POLR1D: variants seen among roughly 807,000 people sequenced by gnomAD.
POLR1D encodes the protein RNA polymerase I and III subunit D.
Under a neutral mutation model 10.8 loss-of-function variants are expected in POLR1D, and 8 were observed. The ratio of observed to expected loss-of-function variants is 0.74; its 90% CI spans 0.43 to 1.33. The LOEUF (loss-of-function observed/expected upper bound fraction) is 1.33, where lower values mean the gene tolerates loss of function less well. Ranked by LOEUF, POLR1D falls within the 40% of genes most tolerant of loss-of-function variation. The probability of loss-of-function intolerance (pLI) is 0.01; values close to 1 mark genes in which losing one functional copy is unlikely to be tolerated. For missense variants in POLR1D, 152 were observed against 161.7 expected, an observed-to-expected ratio of 0.94 and a Z score of 0.32; for synonymous variants, 54 against 57.2, an observed-to-expected ratio of 0.94 and a Z score of 0.25.
At chr13:27,634,010 A>G (rs1956098470) in intron 1 of POLR1D, among the ~76,000 whole-genome samples, 2 of 152,228 alleles carry the variant, frequency 1.3e-5, no homozygotes, top group East Asian at 1.9e-4. Context: ...TTGGATTTAT[A>G]TTCTTTATCA....
At chr13:27,646,072 A>G (rs1956218102) in intron 1 of POLR1D, 1 of 152,226 alleles carries the variant, frequency 6.6e-6, no homozygotes, top group Admixed American at 6.5e-5. Flanking sequence ...AAACATTTTA[A>G]CATAGTTTTT....
chr13:27,635,170 A>T (rs551087564), intron 1 of POLR1D, among the ~76,000 whole-genome samples: 1 of 152,302 alleles, frequency 6.6e-6, no homozygotes, highest in East Asian at 1.9e-4. Flanking sequence ...TGAGAGAGTA[A>T]CTTGTTAAGA....
chr13:27,647,630 GT>G (rs1334675767), intron 1 of POLR1D, among the ~76,000 whole-genome samples: 1 of 152,124 alleles, frequency 6.6e-6, no homozygotes, highest in African/African-American at 2.4e-5. Flanking sequence ...TGTTATGAGT[GT>G]CCTGTGCCAA....
At chr13:27,657,256 G>A (rs1956316722) in intron 2 of POLR1D, among the ~76,000 whole-genome samples, 1 of 152,092 alleles carries the variant, frequency 6.6e-6, no homozygotes, top group Non-Finnish European at 1.5e-5. Context: ...CCAGCCAGGC[G>A]CTGTGGCTCA....
At chr13:27,654,229 C>T (rs1047105741) in intron 2 of POLR1D, among the ~76,000 whole-genome samples, 3 of 152,140 alleles carry the variant, frequency 2.0e-5, no homozygotes, top group African/African-American at 7.2e-5. Context: ...GTGTACTTTT[C>T]CTATCCTATT....
At chr13:27,621,810 G>T, upstream of POLR1D, 1 of 631,628 alleles carries the variant, frequency 1.6e-6, no homozygotes, top group Non-Finnish European at 2.8e-6. Flanking sequence ...GGAGCCTCAT[G>T]CCCCGCCCCG....
At chr13:27,621,859 TCCTTCCGTCCTCCGCG>T (rs1315251277), upstream of POLR1D, 2 of 1,012,270 alleles carry the variant, frequency 2.0e-6, no homozygotes, top group Non-Finnish European at 1.5e-6. Context: ...TCCTCCTCCC[TCCTTCCGTCCTCCGCG>T]CCTTCCGTCG....
Position 27,622,682 on chromosome 13 carries a change from G to C in POLR1D, c.27-193G>C, listed in dbSNP as rs142902167. ...CAGTGTGGATGGTCAAATGGAGCAGGGAAAAACTGGAGGCAATAAATTAAA... is the reference window on the plus strand; with the variant it reads ...CAGTGTGGATGGTCAAATGGAGCAGCGAAAAACTGGAGGCAATAAATTAAA... On this transcript the variant is annotated intron_variant, in intron 1 of 1. Coordinates refer to ENST00000302979, the MANE Select transcript of POLR1D (RefSeq NM_015972.4). 3.3e-3 allele frequency among the ~76,000 whole-genome samples: 504 copies of C among 152,164 alleles called. 2 individuals are homozygous for C. The highest frequency in any genetic ancestry group is 0.012 in the African/African-American group (480 of 41,508).
chr13:27,623,438 CTTTTA>C lies in POLR1D; in HGVS notation c.*192_*196del. 2 of 1,302,266 alleles carry C rather than the reference CTTTTA, an allele frequency of 1.5e-6. No individual in the cohort carries two copies. Among genetic ancestry groups the C allele is most frequent in the Non-Finnish European group, 2.0e-6 (2 of 997,358 alleles). 80.7% of individuals were successfully genotyped at this position (1,302,266 alleles called of 1,614,324 possible). On this transcript the variant is annotated 3_prime_UTR_variant, in exon 2 of 2. Transcript: ENST00000302979. Reference sequence around the variant, plus strand: ...TCTGTATTCTTCTAATAAATTCCCTCTTTTATTTAAACTAGTTTGACTGGTTTCTG... The same window carrying C: ...TCTGTATTCTTCTAATAAATTCCCTCTTTAAACTAGTTTGACTGGTTTCTG...
chr13:27,645,540 G>C (rs1370649733), intron 1 of POLR1D, among the ~76,000 whole-genome samples: 1 of 152,088 alleles, frequency 6.6e-6, no homozygotes, highest in African/African-American at 2.4e-5. Context: ...ATATAGAATA[G>C]TACTTGGTAT....
chr13:27,667,222 C>T (rs1291450971), exon 3 of POLR1D: 1 of 152,234 alleles, frequency 6.6e-6, no homozygotes, highest in Non-Finnish European at 1.5e-5. Flanking sequence ...TTTGTAACCA[C>T]ACTCATTCCT....
At chr13:27,622,319 C>T in intron 1 of POLR1D, 1 of 498,290 alleles carries the variant, frequency 2.0e-6, no homozygotes, top group Non-Finnish European at 3.6e-6. Flanking sequence ...TGCCTCTGTC[C>T]CTGTAACTAC....
rs1490057302 is a variant in POLR1D, at chr13:27,667,355, G to A, written c.*1402G>A. ...ATTTAAATATTAGAAATAGCACAAAGTCATGGAGTTTTTAAAAATTGTTAT... is the reference window on the plus strand; with the variant it reads ...ATTTAAATATTAGAAATAGCACAAAATCATGGAGTTTTTAAAAATTGTTAT... On this transcript the variant is annotated 3_prime_UTR_variant, in exon 3 of 3. Coordinates refer to the POLR1D transcript ENST00000399697. The A allele has an allele frequency of 2.6e-5, 4 of 152,202 alleles. No individual in the cohort carries two copies. In the South Asian group the frequency reaches 8.3e-4, roughly 31 times the overall value. The allele number at this position is 152,202 out of a possible 1,614,324, so 9.4% of individuals were successfully genotyped here. A position where few individuals can be genotyped will look rare whatever the true frequency, so the allele number is the denominator to read the frequency against.
At chr13:27,626,241 A>G (rs1403302273), downstream of POLR1D, among the ~76,000 whole-genome samples, 1 of 152,232 alleles carries the variant, frequency 6.6e-6, no homozygotes, top group Non-Finnish European at 1.5e-5. Context: ...CTGTCAGGAG[A>G]TGAAAACAAA....
At chr13:27,621,688 C>T (rs2232673), upstream of POLR1D, 316 of 232,250 alleles carry the variant, frequency 1.4e-3, 3 homozygotes, top group East Asian at 0.028. Context: ...GGTAAGGCGG[C>T]GCTGGCCCCG....
intron 1 of POLR1D, chr13:27,622,429 A>G: frequency 3.4e-6 from 1 of 294,056 alleles, no homozygotes. Context: ...CCATTCTCCT[A>G]GTTTCCTTCT....
At chr13:27,651,245 A>G (rs1428619650) in intron 2 of POLR1D, 1 of 152,206 alleles carries the variant, frequency 6.6e-6, no homozygotes, top group Admixed American at 6.5e-5. Context: ...AAATGTGAGA[A>G]ATGCTACAGG....
intron 2 of POLR1D, among the ~76,000 whole-genome samples, chr13:27,660,329 G>T (rs1457865411): frequency 6.6e-6 from 1 of 152,146 alleles, no homozygotes; most frequent in African/African-American, 2.4e-5. Context: ...CCATGAGAGT[G>T]CAAAGACACG....
chr13:27,643,033 C>T (rs111629023), intron 1 of POLR1D, among the ~76,000 whole-genome samples: 2,318 of 151,972 alleles, frequency 0.015, 63 homozygotes, highest in African/African-American at 0.052. Context: ...TCATGACTTT[C>T]TGTTTGTTAT....
Sources: allele counts gnomAD v4.1 joint callset (sites outside exome capture counted in the v4.1 genomes callset), GRCh38; gene constraint gnomAD v4.1.1; transcripts MANE v1.5; gene names NCBI Gene and HGNC (gene_info 2026-07-23, HGNC 2026-07-21).